The following KIF16B variants were observed in gnomAD, a reference collection of about 807,000 sequenced individuals.
KIF16B encodes kinesin-like protein KIF16B.
In KIF16B, 98 loss-of-function variants were observed where a neutral mutation model predicts 156.3. That is an observed-to-expected ratio of 0.63 (90% CI 0.53 to 0.74). The LOEUF (loss-of-function observed/expected upper bound fraction) is 0.74, where lower values mean the gene tolerates loss of function less well. Ranked by LOEUF, KIF16B falls within the 30% of genes least tolerant of loss-of-function variation. KIF16B has a pLI of 0.00. For synonymous variants in KIF16B, 564 were observed against 583.7 expected, an observed-to-expected ratio of 0.97 and a Z score of 0.49; for missense variants, 1,421 against 1,606.5, an observed-to-expected ratio of 0.88 and a Z score of 1.97.
chr20:16,347,840 C>T (rs550476664), intron 23 of KIF16B, among the ~76,000 whole-genome samples: 1 of 152,200 alleles, frequency 6.6e-6, no homozygotes, highest in Non-Finnish European at 1.5e-5. Flanking sequence ...GATTCAGACG[C>T]CAACACTCTA....
At chr20:16,469,457 CTT>C (rs2067595283) in intron 12 of KIF16B, among the ~76,000 whole-genome samples, 1 of 151,062 alleles carries the variant, frequency 6.6e-6, no homozygotes, top group South Asian at 2.1e-4. Context: ...GAAAACAACA[CTT>C]ATCAAAATTT....
intron 17 of KIF16B, among the ~76,000 whole-genome samples, chr20:16,398,755 G>GA (rs1418461348): frequency 6.6e-6 from 1 of 152,100 alleles, no homozygotes; most frequent in Non-Finnish European, 1.5e-5. Context: ...ATTGCGGAAG[G>GA]AAAAAAATTC....
chr20:16,517,145 G>A (rs1217836421), intron 3 of KIF16B, among the ~76,000 whole-genome samples: 1 of 152,194 alleles, frequency 6.6e-6, no homozygotes, highest in African/African-American at 2.4e-5. Flanking sequence ...CCAAGGACAA[G>A]ATGAAAATAC....
chr20:16,413,980 T>C (rs1449711565), intron 15 of KIF16B, among the ~76,000 whole-genome samples: 1 of 151,764 alleles, frequency 6.6e-6, no homozygotes, highest in Non-Finnish European at 1.5e-5. Flanking sequence ...TGATTTAAAA[T>C]ATCTTAAAGA....
At chr20:16,455,891 C>T (rs1344572020) in intron 12 of KIF16B, among the ~76,000 whole-genome samples, 1 of 152,098 alleles carries the variant, frequency 6.6e-6, no homozygotes, top group Non-Finnish European at 1.5e-5. Context: ...CCCTTTCCAG[C>T]CCTTTCCTCC....
intron 24 of KIF16B, among the ~76,000 whole-genome samples, chr20:16,321,145 A>G (rs756951767): frequency 1.3e-5 from 2 of 152,038 alleles, no homozygotes; most frequent in Non-Finnish European, 2.9e-5. Context: ...ATCTGTGCCT[A>G]TTCATTTAGA....
At chr20:16,326,178 C>A (rs1230427557) in intron 24 of KIF16B, among the ~76,000 whole-genome samples, 1 of 151,874 alleles carries the variant, frequency 6.6e-6, no homozygotes, top group Admixed American at 6.6e-5. Flanking sequence ...AAATAGAAGA[C>A]CTGAAACCAT....
At chr20:16,428,428 T>A (rs2066416101) in intron 14 of KIF16B, among the ~76,000 whole-genome samples, 4 of 152,154 alleles carry the variant, frequency 2.6e-5, no homozygotes, top group Admixed American at 2.6e-4. Flanking sequence ...AAGGACCTCA[T>A]CTGTGTAGGC....
At chr20:16,505,667 A>G (rs1366975391) in intron 9 of KIF16B, 55 bp downstream of exon 9, 3 of 1,476,660 alleles carry the variant, frequency 2.0e-6, no homozygotes, top group Non-Finnish European at 2.8e-6. Context: ...TTAAATATTT[A>G]CAGTTAATTC....
intron 24 of KIF16B, among the ~76,000 whole-genome samples, chr20:16,321,292 A>G (rs1306789771): frequency 6.6e-6 from 1 of 152,168 alleles, no homozygotes; most frequent in Non-Finnish European, 1.5e-5. Flanking sequence ...ATTTTTATAG[A>G]AACAGTAAAA....
chr20:16,527,913 G>T (rs545288192), intron 2 of KIF16B, among the ~76,000 whole-genome samples: 1 of 152,080 alleles, frequency 6.6e-6, no homozygotes, highest in East Asian at 1.9e-4. Context: ...AAAGAAATTT[G>T]GTGGTTTTTT....
intron 12 of KIF16B, among the ~76,000 whole-genome samples, chr20:16,467,861 T>C (rs1395248268): frequency 6.6e-6 from 1 of 152,128 alleles, no homozygotes; most frequent in Non-Finnish European, 1.5e-5. Context: ...ATTGATCTAA[T>C]AGTTAACAGT....
At chr20:16,553,987 G>A (rs1327563052) in intron 1 of KIF16B, among the ~76,000 whole-genome samples, 3 of 152,224 alleles carry the variant, frequency 2.0e-5, no homozygotes, top group African/African-American at 7.2e-5. Flanking sequence ...ATGAGCATGG[G>A]AGGGAGGCTG....
chr20:16,431,176 C>T (rs993049452), intron 12 of KIF16B, among the ~76,000 whole-genome samples: 2 of 152,118 alleles, frequency 1.3e-5, no homozygotes, highest in Non-Finnish European at 2.9e-5. Flanking sequence ...CCCAAACCAT[C>T]ATTGTCTTTC....
intron 24 of KIF16B, among the ~76,000 whole-genome samples, chr20:16,324,443 C>A (rs2063814328): frequency 6.6e-6 from 1 of 151,958 alleles, no homozygotes. Context: ...CTGGACTATT[C>A]AGTCATTAAG....
chr20:16,369,233 G>A (rs2064757075), intron 22 of KIF16B: 1 of 985,738 alleles, frequency 1.0e-6, no homozygotes, highest in Non-Finnish European at 1.2e-6. Context: ...GGCAGAAGCG[G>A]GTCAAGATAC....
intron 23 of KIF16B, among the ~76,000 whole-genome samples, chr20:16,341,936 G>T (rs964380536): frequency 6.6e-6 from 1 of 152,206 alleles, no homozygotes; most frequent in African/African-American, 2.4e-5. Flanking sequence ...CCCAGACAAC[G>T]TGTGAATAAA....
intron 1 of KIF16B, among the ~76,000 whole-genome samples, chr20:16,539,059 T>G (rs1182902725): frequency 6.6e-6 from 1 of 152,074 alleles, no homozygotes; most frequent in Non-Finnish European, 1.5e-5. Flanking sequence ...GATGAGCCAA[T>G]TTAACCTCTT....
intron 12 of KIF16B, among the ~76,000 whole-genome samples, chr20:16,482,835 G>A (rs984962023): frequency 2.6e-5 from 4 of 152,074 alleles, no homozygotes; most frequent in East Asian, 3.9e-4. Flanking sequence ...AAATGTGAAT[G>A]GTGTCACCCT....
Sources: allele counts gnomAD v4.1 joint callset (sites outside exome capture counted in the v4.1 genomes callset), GRCh38; gene constraint gnomAD v4.1.1; transcripts MANE v1.5; gene names NCBI Gene and HGNC (gene_info 2026-07-23, HGNC 2026-07-21).